Variants in DRC8 observed in about 807,000 individuals in gnomAD.
DRC8 encodes dynein regulatory complex subunit 8.
the DRC8 span, among the ~76,000 whole-genome samples, chr1:245,112,721 C>T: frequency 6.6e-6 from 1 of 151,988 alleles, no homozygotes; most frequent in Non-Finnish European, 1.5e-5. Context: ...TTCCATACTC[C>T]TCAAACAGTA....
chr1:245,114,183 G>A, the DRC8 span, among the ~76,000 whole-genome samples: 1 of 152,142 alleles, frequency 6.6e-6, no homozygotes, highest in South Asian at 2.1e-4. Flanking sequence ...TGTCTGCCTG[G>A]GCCGGGTGTG....
chr1:244,990,229 A>G, the DRC8 span, among the ~76,000 whole-genome samples: 1 of 152,358 alleles, frequency 6.6e-6, no homozygotes, highest in Middle Eastern at 3.4e-3. Context: ...GACAAGACGC[A>G]TGAGTACAGT....
chr1:245,110,606 G>A, the DRC8 span, among the ~76,000 whole-genome samples: 2 of 152,270 alleles, frequency 1.3e-5, no homozygotes, highest in African/African-American at 4.8e-5. Context: ...ACAGCGCCCC[G>A]CTGAGGGCCA....
chr1:245,083,306 C>T, the DRC8 span: 1 of 750,598 alleles, frequency 1.3e-6, no homozygotes, highest in East Asian at 2.5e-5. Flanking sequence ...ACCATCCCTC[C>T]CCTCCCCTGG....
At chr1:245,003,071 C>T in the DRC8 span, among the ~76,000 whole-genome samples, 2 of 152,184 alleles carry the variant, frequency 1.3e-5, no homozygotes, top group Non-Finnish European at 2.9e-5. Context: ...ACTTATTTCA[C>T]TTAGTATAAT....
chr1:244,972,008 T>C, the DRC8 span, among the ~76,000 whole-genome samples: 1 of 146,426 alleles, frequency 6.8e-6, no homozygotes, highest in Non-Finnish European at 1.5e-5. Flanking sequence ...AAGGTAATTA[T>C]GGATATTTAT....
the DRC8 span, among the ~76,000 whole-genome samples, chr1:244,992,132 G>A: frequency 6.6e-6 from 1 of 152,118 alleles, no homozygotes; most frequent in Non-Finnish European, 1.5e-5. Context: ...TTTCAACAAG[G>A]AAAAACTTTT....
chr1:245,096,374 G>A, the DRC8 span, among the ~76,000 whole-genome samples: 9 of 152,252 alleles, frequency 5.9e-5, no homozygotes, highest in Non-Finnish European at 8.8e-5. Context: ...GGCCTCCCGC[G>A]CTCACACCAA....
chr1:245,096,694 A>G, the DRC8 span, among the ~76,000 whole-genome samples: 1 of 152,226 alleles, frequency 6.6e-6, no homozygotes, highest in Admixed American at 6.5e-5. Context: ...ATGAACTGCA[A>G]ATGTTTTATG....
chr1:245,010,954 T>A, the DRC8 span, among the ~76,000 whole-genome samples: 26 of 152,256 alleles, frequency 1.7e-4, no homozygotes, highest in Admixed American at 1.6e-3. Context: ...GTGCTGGGAT[T>A]ACAGGTGTGA....
the DRC8 span, among the ~76,000 whole-genome samples, chr1:244,984,108 C>T: frequency 5.6e-3 from 854 of 151,896 alleles, 2 homozygotes; most frequent in Non-Finnish European, 9.4e-3. Context: ...GTGTATGCCA[C>T]CGTACCTGGC....
At chr1:245,121,959 C>T in the DRC8 span, 52 of 413,530 alleles carry the variant, frequency 1.3e-4, no homozygotes, top group Non-Finnish European at 2.3e-4. Flanking sequence ...AGTGCAGTGG[C>T]GTGATCTTGG....
chr1:245,058,644 G>A, the DRC8 span, among the ~76,000 whole-genome samples: 9 of 152,134 alleles, frequency 5.9e-5, no homozygotes, highest in Non-Finnish European at 1.0e-4. Context: ...GAAGTATTTC[G>A]TAATCAATTA....
the DRC8 span, among the ~76,000 whole-genome samples, chr1:245,018,111 C>T: frequency 6.6e-6 from 1 of 151,370 alleles, no homozygotes; most frequent in East Asian, 1.9e-4. Context: ...CCTGTAATCC[C>T]AGCTACTTTG....
the DRC8 span, among the ~76,000 whole-genome samples, chr1:244,998,899 G>T: frequency 6.6e-6 from 1 of 152,020 alleles, no homozygotes; most frequent in African/African-American, 2.4e-5. Flanking sequence ...CATCTGATTG[G>T]CTGAGTATAG....
the DRC8 span, among the ~76,000 whole-genome samples, chr1:245,042,195 T>C: frequency 4.6e-5 from 7 of 152,386 alleles, no homozygotes; most frequent in Non-Finnish European, 7.3e-5. Context: ...ACATGAAAAG[T>C]GACCGTGTGG....
At chr1:245,078,367 G>T in the DRC8 span, among the ~76,000 whole-genome samples, 2 of 152,140 alleles carry the variant, frequency 1.3e-5, no homozygotes, top group Non-Finnish European at 2.9e-5. Context: ...ATCTCTAAGA[G>T]CTATCTGTAT....
At chr1:245,102,834 C>T in the DRC8 span, among the ~76,000 whole-genome samples, 13 of 152,164 alleles carry the variant, frequency 8.5e-5, no homozygotes, top group African/African-American at 3.1e-4. Flanking sequence ...AGGGAAAGAA[C>T]AAGTAACCAG....
the DRC8 span, among the ~76,000 whole-genome samples, chr1:245,114,401 G>C: frequency 1.3e-5 from 2 of 151,946 alleles, no homozygotes; most frequent in African/African-American, 2.4e-5. Flanking sequence ...GGAGGCAGAG[G>C]TTGCAGTGAG....
Sources: allele counts gnomAD v4.1 joint callset (sites outside exome capture counted in the v4.1 genomes callset), GRCh38; gene constraint gnomAD v4.1.1; transcripts MANE v1.5; gene names NCBI Gene and HGNC (gene_info 2026-07-23, HGNC 2026-07-21).